Variants in SLC5A12 observed in about 807,000 individuals in gnomAD.
The protein encoded by SLC5A12 is sodium-coupled monocarboxylate transporter 2.
In SLC5A12, 46 loss-of-function variants were observed where a neutral mutation model predicts 72.7. The observed-to-expected ratio is 0.63, with a 90% CI of 0.50 to 0.81. SLC5A12 has a LOEUF of 0.81. Ranked by LOEUF, SLC5A12 falls within the 30% of genes least tolerant of loss-of-function variation. The pLI is 0.00. For synonymous variants in SLC5A12, 275 were observed against 264.4 expected (o/e 1.04, Z -0.39); for missense variants, 683 against 740.7 (o/e 0.92, Z 0.90).
intron 6 of SLC5A12, among the ~76,000 whole-genome samples, chr11:26,702,144 CA>C (rs1361577208): frequency 6.6e-6 from 1 of 152,134 alleles, no homozygotes; most frequent in Non-Finnish European, 1.5e-5. Context: ...ATCAAAGTCA[CA>C]TGCATTTTCA....
intron 8 of SLC5A12, 66 bp downstream of exon 8, chr11:26,697,098 A>C: frequency 7.4e-7 from 1 of 1,346,390 alleles, no homozygotes; most frequent in South Asian, 1.2e-5. Flanking sequence ...AATATTGTTG[A>C]TCACTACACC....
At chr11:26,720,324 C>CATAAATAA (rs142328311) in intron 1 of SLC5A12, among the ~76,000 whole-genome samples, 37,403 of 144,872 alleles carry the variant, frequency 0.26, 4,994 homozygotes, top group South Asian at 0.34. Flanking sequence ...AGCCCCATCT[C>CATAAATAA]ATAAATAAAT....
At chr11:26,684,899 T>C (rs1480439527) in intron 10 of SLC5A12, among the ~76,000 whole-genome samples, 1 of 152,178 alleles carries the variant, frequency 6.6e-6, no homozygotes, top group East Asian at 1.9e-4. Context: ...GTTCCATGAA[T>C]AGGAAAATAA....
intron 11 of SLC5A12, 115 bp downstream of exon 11, chr11:26,683,642 T>C: frequency 1.3e-6 from 1 of 760,032 alleles, no homozygotes; most frequent in Non-Finnish European, 2.2e-6. Context: ...AATTCTGCTG[T>C]GGATTCTTTT....
chr11:26,684,056 G>A (rs1244809569), intron 10 of SLC5A12, among the ~76,000 whole-genome samples: 1 of 148,136 alleles, frequency 6.8e-6, no homozygotes, highest in African/African-American at 2.5e-5. Context: ...GTGTGTGTTT[G>A]TATAGTAGAA....
rs1472215319 is a variant in SLC5A12, at chr11:26,709,535, G to A, written c.458-156C>T. 7.2e-5 allele frequency among the ~76,000 whole-genome samples: 11 copies of A among 151,954 alleles called. No homozygotes were observed. In the South Asian group the frequency reaches 1.2e-3, roughly 17 times the overall value. On this transcript the variant is annotated intron_variant, in intron 3 of 14. Transcript: ENST00000396005. ...TCCCTCATTAAATTTTCTCACCTTC[G>A]AGAAAGATTATTTTTATTATATTTT... is the stretch of plus-strand genomic sequence containing the variant.
chr11:26,720,056 A>G (rs1053543329), intron 1 of SLC5A12, among the ~76,000 whole-genome samples: 4 of 152,230 alleles, frequency 2.6e-5, no homozygotes, highest in Middle Eastern at 3.2e-3. Flanking sequence ...AGAAGTACTT[A>G]GCACATAGTT....
intron 14 of SLC5A12, among the ~76,000 whole-genome samples, chr11:26,671,571 T>C (rs1854144860): frequency 6.6e-6 from 1 of 152,074 alleles, no homozygotes. Flanking sequence ...AGGAGAAACA[T>C]ACCTGTATCT....
At chr11:26,713,689 C>G (rs1328678815) in intron 1 of SLC5A12, among the ~76,000 whole-genome samples, 2 of 152,076 alleles carry the variant, frequency 1.3e-5, no homozygotes, top group Non-Finnish European at 2.9e-5. Flanking sequence ...TTGATTATCT[C>G]TCTGTATTAG....
chr11:26,677,871 T>G (rs1854300726), intron 13 of SLC5A12, among the ~76,000 whole-genome samples: 1 of 152,120 alleles, frequency 6.6e-6, no homozygotes, highest in Non-Finnish European at 1.5e-5. Flanking sequence ...TAGAATACCT[T>G]AAAATTTTTT....
intron 9 of SLC5A12, among the ~76,000 whole-genome samples, chr11:26,688,181 T>C (rs1385655554): frequency 1.3e-5 from 2 of 152,192 alleles, no homozygotes; most frequent in African/African-American, 2.4e-5. Context: ...TAGGAGAAAT[T>C]TGTGGAAATT....
At chr11:26,696,282 T>C (rs901878117) in intron 8 of SLC5A12, among the ~76,000 whole-genome samples, 1 of 152,230 alleles carries the variant, frequency 6.6e-6, no homozygotes, top group Non-Finnish European at 1.5e-5. Flanking sequence ...TGGTATAATA[T>C]AAGCCTTCTA....
At position 26,683,661 on chromosome 11, in the gene SLC5A12, A is replaced by T. The variant is rs1421825728; in HGVS notation, c.1308+96T>A. The T allele has an allele frequency of 1.7e-5, 17 of 992,864 alleles. No individual in the cohort carries two copies. The Admixed American group carries it at 3.7e-4, about 21-fold the overall frequency. The allele number at this position is 992,864 out of a possible 1,614,324, so 61.5% of individuals were successfully genotyped here. A position where few individuals can be genotyped will look rare whatever the true frequency, so the allele number is the denominator to read the frequency against. ...CTGCTGTGGATTCTTTTCCTGGCTA[A>T]GACAGATAGCTTTTCTAAACAGGGC... On this transcript the variant is annotated intron_variant, in intron 11 of 14. Coordinates refer to ENST00000396005, the MANE Select transcript of SLC5A12 (RefSeq NM_178498.4).
intron 1 of SLC5A12, among the ~76,000 whole-genome samples, chr11:26,718,182 T>C (rs1167610260): frequency 2.6e-5 from 4 of 152,074 alleles, no homozygotes; most frequent in Non-Finnish European, 5.9e-5. Context: ...ACAGATTAAG[T>C]GGTATAAATT....
At chr11:26,692,140 A>T (rs929003860) in intron 9 of SLC5A12, 1 of 167,266 alleles carries the variant, frequency 6.0e-6, no homozygotes, top group Middle Eastern at 2.6e-3. Flanking sequence ...TTACAAAAAA[A>T]TTCCAGAATG....
chr11:26,676,201 A>G (rs1854261865), intron 13 of SLC5A12, among the ~76,000 whole-genome samples: 2 of 152,152 alleles, frequency 1.3e-5, no homozygotes, highest in South Asian at 4.1e-4. Context: ...TTAATTATCT[A>G]ATACAAAGAT....
At chr11:26,710,992 ATACT>A (rs1192434545) in intron 3 of SLC5A12, among the ~76,000 whole-genome samples, 1 of 152,122 alleles carries the variant, frequency 6.6e-6, no homozygotes, top group East Asian at 1.9e-4. Flanking sequence ...ATAGATGACC[ATACT>A]TAGCAACATA....
intron 6 of SLC5A12, 85 bp from the exon 7 acceptor site, chr11:26,698,620 G>A: frequency 7.5e-7 from 1 of 1,334,946 alleles, no homozygotes; most frequent in South Asian, 1.7e-5. Context: ...CAAGGTAAAG[G>A]GTTTTGGGTC....
intron 12 of SLC5A12, among the ~76,000 whole-genome samples, chr11:26,679,686 T>A (rs1854344715): frequency 6.6e-6 from 1 of 151,712 alleles, no homozygotes; most frequent in Admixed American, 6.6e-5. Context: ...TAAGCATAGG[T>A]AGACGAGAAG....
Sources: allele counts gnomAD v4.1 joint callset (sites outside exome capture counted in the v4.1 genomes callset), GRCh38; gene constraint gnomAD v4.1.1; transcripts MANE v1.5; gene names NCBI Gene and HGNC (gene_info 2026-07-23, HGNC 2026-07-21).